The following CASP2 variants were observed in gnomAD, a reference collection of about 807,000 sequenced individuals.
The protein encoded by CASP2 is caspase-2.
In CASP2, 38 loss-of-function variants were observed where a neutral mutation model predicts 54.4. That is an observed-to-expected ratio of 0.70 (90% confidence interval 0.54 to 0.92). The LOEUF (loss-of-function observed/expected upper bound fraction) is 0.92, where lower values mean the gene tolerates loss of function less well. Ranked by LOEUF, CASP2 falls within the 40% of genes least tolerant of loss-of-function variation. The probability of loss-of-function intolerance (pLI) is 0.00; values close to 1 mark genes in which losing one functional copy is unlikely to be tolerated. For missense variants in CASP2, 512 were observed against 579.6 expected (o/e 0.88, Z 1.20); for synonymous variants, 215 against 216.3 (o/e 0.99, Z 0.05).
At chr7:143,303,519 A>G in intron 8 of CASP2, 2 of 395,758 alleles carry the variant, frequency 5.1e-6, no homozygotes, top group Non-Finnish European at 9.4e-6. Context: ...CTTACACAGA[A>G]TGGGAACTGC....
chr7:143,289,365 TTAAAAC>T (rs2116756415), intron 1 of CASP2, among the ~76,000 whole-genome samples: 1 of 152,310 alleles, frequency 6.6e-6, no homozygotes, highest in African/African-American at 2.4e-5. Flanking sequence ...ATGCTTCAGA[TTAAAAC>T]TAAAGAGTTG....
chr7:143,296,709 A>G (rs887102643), intron 6 of CASP2, among the ~76,000 whole-genome samples: 3 of 150,068 alleles, frequency 2.0e-5, no homozygotes, highest in Non-Finnish European at 4.4e-5. Context: ...TCATATAGCT[A>G]TTTGGCAAGC....
At position 143,291,627 on chromosome 7, in the gene CASP2, C is replaced by G. The variant is rs370888284; in HGVS notation, c.162C>G (p.Ser54Arg). The change falls in exon 2 of 11, where the codon AGC becomes AGG. Residue 54 changes from serine to arginine, a missense_variant. This residue lies in a region of CASP2 where 6 missense variants were observed against 17.1 expected (regional missense o/e 0.35). Transcript: ENST00000310447. ...TGCTAGCCAAACAGCTGTTGTTGAGCGAATTGTTAGAACATCTTCTGGAGA... is the reference window on the plus strand; with the variant it reads ...TGCTAGCCAAACAGCTGTTGTTGAGGGAATTGTTAGAACATCTTCTGGAGA... ...RVVLAKQLLLSELLEHLLEKD... is the reference protein window; with the variant it reads ...RVVLAKQLLLRELLEHLLEKD... 9.5e-5 allele frequency: 153 copies of G among 1,613,802 alleles called. 1 individual carries two copies. The highest frequency in any genetic ancestry group is 3.3e-4 in the Middle Eastern group (2 of 6,060).
At position 143,294,665 on chromosome 7, in the gene CASP2, G is replaced by A. The variant is rs772294864; in HGVS notation, c.639G>A (p.Glu213=). Residue 213 remains glutamate, a synonymous_variant, in exon 6 of 11, where the codon GAG becomes GAA. Transcript: ENST00000310447. ...LVLSNVHFTG[E]KELEFRSGGD... is the part of the protein sequence containing the mutation. Reference sequence around the variant, plus strand: ...TGAGCAATGTGCACTTCACTGGAGAGAAAGAACTGGAATTTCGCTCTGGAG... The same window carrying A: ...TGAGCAATGTGCACTTCACTGGAGAAAAAGAACTGGAATTTCGCTCTGGAG... 6.2e-7 allele frequency: 1 copy of A among 1,614,244 alleles called. No individual in the cohort carries two copies. The highest frequency in any genetic ancestry group is 1.1e-5 in the South Asian group (1 of 91,088).
intron 8 of CASP2, chr7:143,302,422 G>C (rs186782278): frequency 6.6e-6 from 1 of 152,170 alleles, no homozygotes; most frequent in Admixed American, 6.5e-5. Flanking sequence ...TTGAAAATTT[G>C]AGTTCACCTG....
At chr7:143,299,023 A>G (rs1477272547) in intron 6 of CASP2, among the ~76,000 whole-genome samples, 1 of 151,878 alleles carries the variant, frequency 6.6e-6, no homozygotes, top group Admixed American at 6.6e-5. Flanking sequence ...GCAGTGGTGC[A>G]GTCACAGCTC....
intron 5 of CASP2, 82 bp downstream of exon 5, chr7:143,294,406 A>G (rs1801681232): frequency 1.3e-5 from 14 of 1,100,608 alleles, no homozygotes; most frequent in South Asian, 5.0e-5. Context: ...GTTTGCATGT[A>G]CATTTCCTTT....
At chr7:143,298,780 C>G (rs4647317) in intron 6 of CASP2, 1 of 151,388 alleles carries the variant, frequency 6.6e-6, no homozygotes, top group Admixed American at 6.6e-5. Context: ...AGTCACTGCA[C>G]TCAAGCCTGG....
At chr7:143,299,362 C>G (rs987434782) in intron 6 of CASP2, among the ~76,000 whole-genome samples, 1 of 152,142 alleles carries the variant, frequency 6.6e-6, no homozygotes, top group Admixed American at 6.5e-5. Flanking sequence ...GTACAGAATC[C>G]TCCTTCATAG....
At chr7:143,293,359 C>T (rs1211633274) in intron 4 of CASP2, 7 of 427,302 alleles carry the variant, frequency 1.6e-5, no homozygotes, top group Non-Finnish European at 2.9e-5. Flanking sequence ...AACTTCTGGC[C>T]TCAAATGATC....
chr7:143,303,846 G>C lies in CASP2; in HGVS notation c.1030G>C (p.Glu344Gln), dbSNP rs773124662. Residue 344 changes from glutamate to glutamine, a missense_variant, in exon 9 of 11, where the codon GAG (glutamate) becomes CAG (glutamine). By Grantham distance (29) the Glu-to-Gln change is conservative (BLOSUM62 2). Coordinates refer to ENST00000310447, the MANE Select transcript of CASP2 (RefSeq NM_032982.4). The stretch of plus-strand genomic sequence containing the variant: ...GAACCACGCAGGATCCCCTGGGTGC[G>C]AGGAGAGTGATGCCGGTAAAGAAAA... ...GKNHAGSPGC[E>Q]ESDAGKEKLP... 1.2e-6 allele frequency: 2 copies of C among 1,613,822 alleles called. No homozygotes were observed. Among genetic ancestry groups the C allele is most frequent in the South Asian group, 2.2e-5 (2 of 91,062 alleles).
intron 3 of CASP2, 24 bp from the exon 4 acceptor site, chr7:143,292,593 A>G: frequency 6.2e-7 from 1 of 1,612,094 alleles, no homozygotes; most frequent in Non-Finnish European, 8.5e-7. Flanking sequence ...AAGGTCTGTC[A>G]TCATGAGTTT....
At chr7:143,300,472 G>A in intron 8 of CASP2, 178 bp downstream of exon 8, 1 of 1,594,386 alleles carries the variant, frequency 6.3e-7, no homozygotes, top group Non-Finnish European at 8.5e-7. Flanking sequence ...GGGTGTGCTG[G>A]GACTTGGGCA....
At chr7:143,302,195 C>T (rs1801935518) in intron 8 of CASP2, 1 of 152,116 alleles carries the variant, frequency 6.6e-6, no homozygotes, top group Non-Finnish European at 1.5e-5. Context: ...AGGAATTCTC[C>T]TTTCTCTTTA....
At chr7:143,296,867 A>G (rs953650948) in intron 6 of CASP2, among the ~76,000 whole-genome samples, 2 of 152,190 alleles carry the variant, frequency 1.3e-5, no homozygotes, top group African/African-American at 4.8e-5. Context: ...TGCAGTGAAC[A>G]TGGGTATTCT....
chr7:143,304,758 T>C lies in CASP2; in HGVS notation c.1202T>C (p.Met401Thr), dbSNP rs201856807. The C allele has an allele frequency of 1.1e-5, 17 of 1,614,212 alleles. No homozygotes were observed. Among genetic ancestry groups the C allele is most frequent in the African/African-American group, 1.3e-5 (1 of 75,062 alleles). Reference sequence around the variant, plus strand: ...GTGTTTTCTGAGCGGGCTTGTGATATGCACGTGGCCGACATGCTGGTTAAG... The same window carrying C: ...GTGTTTTCTGAGCGGGCTTGTGATACGCACGTGGCCGACATGCTGGTTAAG... ...AQVFSERACD[M>T]HVADMLVKVN... Residue 401 changes from methionine to threonine, a missense_variant, in exon 10 of 11, where the codon ATG (methionine) becomes ACG (threonine). By Grantham distance (81) the Met-to-Thr change is moderately conservative. This residue lies in a region of CASP2 where 417 missense variants were observed against 495.4 expected (regional missense o/e 0.84). Transcript: ENST00000310447.
rs941694466 is a variant in CASP2 at position 143,303,769 on chromosome 7, C to T, written c.968-15C>T. 6.2e-7 allele frequency: 1 copy of T among 1,612,686 alleles called. No individual in the cohort carries two copies. Among genetic ancestry groups the T allele is most frequent in the African/African-American group, 1.3e-5 (1 of 74,870 alleles). On this transcript the variant is annotated splice_polypyrimidine_tract_variant and intron_variant, in intron 8 of 10. Transcript: ENST00000310447. ...GAAGTAACATCATTGTCCATTCTGT[C>T]TGCCTTTGTTACAGATGAGACTGAT... is the stretch of plus-strand genomic sequence containing the variant.
intron 6 of CASP2, chr7:143,298,823 A>AG (rs2116790717): frequency 6.6e-6 from 1 of 152,304 alleles, no homozygotes; most frequent in East Asian, 1.9e-4. Context: ...AAAAAAAAAA[A>AG]AGATAAACAG....
chr7:143,290,825 T>G (rs1365703249), intron 1 of CASP2: 1 of 152,440 alleles, frequency 6.6e-6, no homozygotes, highest in Non-Finnish European at 1.5e-5. Context: ...ATGGAGCAAG[T>G]CAAAACTCCT....
Sources: gnomAD v4.1 joint callset for allele counts (sites outside exome capture counted in the v4.1 genomes callset) on GRCh38, gnomAD v4.1.1 for gene constraint, gnomAD v4.1.1 regional missense constraint, MANE v1.5 for transcripts, NCBI Gene and HGNC (gene_info 2026-07-23, HGNC 2026-07-21) for gene names.